Variants in MDGA1 observed in about 807,000 individuals in gnomAD.
MDGA1 encodes the protein MAM domain-containing glycosylphosphatidylinositol anchor protein 1.
MDGA1 carries 54 observed loss-of-function variants against 101.5 expected under a neutral mutation model. The observed-to-expected ratio is 0.53, with a 90% confidence interval of 0.43 to 0.67. The LOEUF (loss-of-function observed/expected upper bound fraction) is 0.67. Among genes scored for constraint, MDGA1 ranks in the 30% least tolerant of loss-of-function variants. The pLI is 0.00. For synonymous variants in MDGA1, 533 were observed against 558.3 expected, an observed-to-expected ratio of 0.95 and a Z score of 0.64; for missense variants, 1,083 against 1,323.8, an observed-to-expected ratio of 0.82 and a Z score of 2.82.
chr6:37,683,203 C>T (rs1762131281), intron 1 of MDGA1, among the ~76,000 whole-genome samples: 1 of 152,134 alleles, frequency 6.6e-6, no homozygotes, highest in Admixed American at 6.5e-5. Flanking sequence ...TCAGGGAGAG[C>T]CTGAATTCTA....
Position 37,638,583 on chromosome 6 carries a change from A to T in MDGA1, c.2621T>A (p.Val874Glu). Residue 874 changes from valine to glutamate, a missense_variant, in exon 15 of 17, where the codon GTG becomes GAG. By Grantham distance (121) the Val-to-Glu change is moderately radical. Transcript: ENST00000434837. The surrounding 1 kb of genome is among the most constrained non-coding windows in gnomAD (Gnocchi z 4.8). ...GATGGGCACATGGGCCTGCTGCCAC[A>T]CATTGCCCTTATTGCCACTGAGAGA... is the stretch of plus-strand genomic sequence containing the variant. ...AWSLSGNKGN[V>E]WQQAHVPISP... The T allele has an allele frequency of 6.2e-7, 1 of 1,614,002 alleles. No homozygotes were observed. The highest frequency in any genetic ancestry group is 8.5e-7 in the Non-Finnish European group (1 of 1,179,894).
intron 9 of MDGA1, 128 bp downstream of exon 9, chr6:37,648,854 C>T (rs929013868): frequency 1.3e-5 from 18 of 1,412,704 alleles, no homozygotes; most frequent in Middle Eastern, 2.5e-4. Context: ...CGGGGCTAAG[C>T]CTGGAGTAGG....
In MDGA1 at chr6:37,666,583, C is replaced by A. The variant is rs551770567; in HGVS notation, c.68-2477G>T. Among the ~76,000 whole-genome samples, 26 of 152,264 alleles carry A rather than the reference C, an allele frequency of 1.7e-4. No homozygotes were observed. In the South Asian group the frequency reaches 2.3e-3, roughly 13 times the overall value. On this transcript the variant is annotated intron_variant, in intron 1 of 16. Coordinates refer to ENST00000434837, the MANE Select transcript of MDGA1 (RefSeq NM_153487.4). ...ATTAGTGCAATAATAAAGCAGCAGGCCTGTGTTTCTGTCAAATTCAGGATT... is the reference window on the plus strand; with the variant it reads ...ATTAGTGCAATAATAAAGCAGCAGGACTGTGTTTCTGTCAAATTCAGGATT...
In MDGA1 at chr6:37,638,578, G is replaced by T. The variant is rs769721178; in HGVS notation, c.2626C>A (p.Gln876Lys). The change falls in exon 15 of 17, where the codon CAG becomes AAG. Residue 876 changes from glutamine (Q) to lysine (K), a missense_variant. This residue lies in a region of MDGA1 where 657 missense variants were observed against 771.4 expected (regional missense o/e 0.85). Transcript: ENST00000434837. This position sits in a 1 kb window ranked among gnomAD's most constrained non-coding sequence, Gnocchi z 4.8. ...SLSGNKGNVW[Q>K]QAHVPISPSG... ...GGGCTGATGGGCACATGGGCCTGCT[G>T]CCACACATTGCCCTTATTGCCACTG... 5.0e-6 allele frequency: 8 copies of T among 1,614,022 alleles called. No homozygotes were observed. Among genetic ancestry groups the T allele is most frequent in the Non-Finnish European group, 5.1e-6 (6 of 1,179,894 alleles).
At chr6:37,647,468 T>TG in intron 9 of MDGA1, 144 bp from the exon 10 acceptor site, 1 of 477,642 alleles carries the variant, frequency 2.1e-6, no homozygotes, top group Non-Finnish European at 3.6e-6. Flanking sequence ...TATTGTGAGG[T>TG]GGGGAACGTT....
intron 9 of MDGA1, chr6:37,648,613 GA>G: frequency 3.2e-6 from 1 of 315,914 alleles, no homozygotes; most frequent in Non-Finnish European, 5.8e-6. Flanking sequence ...GGCTATGTTT[GA>G]AAGCGGCGCG....
At position 37,635,672 on chromosome 6, in the gene MDGA1, G is replaced by A; in HGVS notation, c.*1696C>T. The A allele has an allele frequency of 2.5e-6, 1 of 398,700 alleles. No homozygotes were observed. Among genetic ancestry groups the A allele is most frequent in the Non-Finnish European group, 4.4e-6 (1 of 226,116 alleles). 24.7% of individuals were successfully genotyped at this position (398,700 alleles called of 1,614,324 possible). A position where few individuals can be genotyped will look rare whatever the true frequency, so the allele number is the denominator to read the frequency against. ...CCGAGTTCCAGGCCTCTTCTCTGCA[G>A]CTGTCCCCACCAAATGCTCCAGAAG... On this transcript the variant is annotated 3_prime_UTR_variant, in exon 17 of 17. Transcript: ENST00000434837.
In MDGA1 at chr6:37,663,838, A is replaced by G. The variant is rs1051494015; in HGVS notation, c.207+129T>C. On this transcript the variant is annotated intron_variant, in intron 2 of 16. Coordinates refer to ENST00000434837, the MANE Select transcript of MDGA1 (RefSeq NM_153487.4). The stretch of plus-strand genomic sequence containing the variant: ...TTTTCCTGCTATTTCCCCAGCCCCC[A>G]TCTCCTGTTCTCTGCCTCCATGCTG... 31 of 1,028,870 alleles carry G rather than the reference A, an allele frequency of 3.0e-5. No individual in the cohort carries two copies. The African/African-American group carries it at 4.5e-4, about 15-fold the overall frequency. 63.7% of individuals were successfully genotyped at this position (1,028,870 alleles called of 1,614,324 possible).
At chr6:37,648,765 C>T in intron 9 of MDGA1, 1 of 850,924 alleles carries the variant, frequency 1.2e-6, no homozygotes, top group Non-Finnish European at 1.7e-6. Flanking sequence ...ACCTGGAGGG[C>T]GGGGCTGGGA....
At chr6:37,650,474 C>T (rs979019535) in intron 7 of MDGA1, 69 bp from the exon 8 acceptor site, 11 of 1,397,778 alleles carry the variant, frequency 7.9e-6, no homozygotes, top group Non-Finnish European at 1.0e-5. Flanking sequence ...GCTCTGCCTT[C>T]TGGCTCCTGC....
intron 1 of MDGA1, among the ~76,000 whole-genome samples, chr6:37,673,769 C>T (rs1761920604): frequency 6.6e-6 from 1 of 152,184 alleles, no homozygotes; most frequent in Non-Finnish European, 1.5e-5. Context: ...GGAAAGCCGA[C>T]TTGAAACAGC....
At chr6:37,654,150 T>C in intron 6 of MDGA1, 124 bp downstream of exon 6, 1 of 1,120,616 alleles carries the variant, frequency 8.9e-7, no homozygotes, top group Non-Finnish European at 1.2e-6. Context: ...TGGAACATCC[T>C]CTGCATGACT....
In MDGA1 at chr6:37,646,218, C is replaced by A; in HGVS notation, c.2204G>T (p.Arg735Leu). ...CCTACGCTCTGTGTAGTGGATGATG[C>A]GGGAGGCCATGTCACCAGCCCCGAA... ...TTFGAGDMASRIIHYTEPINS... is the reference protein window; with the variant it reads ...TTFGAGDMASLIIHYTEPINS... Residue 735 changes from arginine (R) to leucine (L), a missense_variant, in exon 11 of 17, where the codon CGC (arginine) becomes CTC (leucine). Physicochemically the swap from Arg to Leu is moderately radical, Grantham distance 102. Around this residue, in one of 3 missense-constraint regions of MDGA1, gnomAD observed 657 missense variants for 771.4 expected, o/e 0.85. Coordinates refer to ENST00000434837, the MANE Select transcript of MDGA1 (RefSeq NM_153487.4). 1 of 1,585,228 alleles carries A rather than the reference C, an allele frequency of 6.3e-7. No individual in the cohort carries two copies.
At chr6:37,648,606 T>C in intron 9 of MDGA1, 1 of 299,048 alleles carries the variant, frequency 3.3e-6, no homozygotes, top group Non-Finnish European at 6.2e-6. Flanking sequence ...GTGGGAAGGC[T>C]ATGTTTGAAA....
chr6:37,671,449 T>C (rs56094590), intron 1 of MDGA1, among the ~76,000 whole-genome samples: 17,929 of 152,166 alleles, frequency 0.12, 1,481 homozygotes, highest in East Asian at 0.35. Flanking sequence ...CCCTCCCCAG[T>C]CCCTTAGTTA....
Position 37,655,203 on chromosome 6 carries a change from A to C in MDGA1, c.580-271T>G. 1 of 512,380 alleles carries C rather than the reference A, an allele frequency of 2.0e-6. No homozygotes were observed. The highest frequency in any genetic ancestry group is 3.5e-5 in the Admixed American group (1 of 28,192). 31.7% of individuals were successfully genotyped at this position (512,380 alleles called of 1,614,324 possible). A position where few individuals can be genotyped will look rare whatever the true frequency, so the allele number is the denominator to read the frequency against. On this transcript the variant is annotated intron_variant, in intron 4 of 16. Transcript: ENST00000434837. The surrounding 1 kb of genome is among the most constrained non-coding windows in gnomAD (Gnocchi z 5.1). ...GCAAGTACCAGGCCTTGGTTTCTCC[A>C]GTCTGGGAAACGGAGGGGTAAGAAG...
chr6:37,668,594 T>C (rs904993035), intron 1 of MDGA1, among the ~76,000 whole-genome samples: 1 of 152,236 alleles, frequency 6.6e-6, no homozygotes, highest in African/African-American at 2.4e-5. Flanking sequence ...AGGTGAACTA[T>C]AGATAGACAT....
intron 1 of MDGA1, among the ~76,000 whole-genome samples, chr6:37,667,084 C>T (rs74340695): frequency 0.021 from 3,214 of 152,306 alleles, 44 homozygotes; most frequent in Middle Eastern, 0.078. Context: ...CTTCCCCCAA[C>T]ACTGATGGGA....
At chr6:37,689,539 T>G (rs1437511898) in intron 1 of MDGA1, among the ~76,000 whole-genome samples, 1 of 152,208 alleles carries the variant, frequency 6.6e-6, no homozygotes. Context: ...GTGAGTACGA[T>G]GATCTCCATC....
Sources: allele counts gnomAD v4.1 joint callset (sites outside exome capture counted in the v4.1 genomes callset), GRCh38; gene constraint gnomAD v4.1.1; regional missense constraint gnomAD v4.1.1; non-coding constraint Gnocchi (gnomAD v3.1); transcripts MANE v1.5; gene names NCBI Gene and HGNC (gene_info 2026-07-23, HGNC 2026-07-21).